Variants in FOXN3 observed in about 807,000 individuals in gnomAD.
The protein encoded by FOXN3 is forkhead box N3, also known as forkhead box protein N3.
FOXN3 carries 7 observed loss-of-function variants against 38.4 expected under a neutral mutation model. That is an observed-to-expected ratio of 0.18 (90% CI 0.10 to 0.34). The LOEUF (loss-of-function observed/expected upper bound fraction) is 0.34. FOXN3 is among the 10% of genes least tolerant of loss of function. FOXN3 has a pLI of 1.00. For missense variants in FOXN3, 456 were observed against 613.4 expected (o/e 0.74, Z 2.71); for synonymous variants, 230 against 242.2 (o/e 0.95, Z 0.47).
chr14:89,427,570 G>C (rs971468046), intron 1 of FOXN3, among the ~76,000 whole-genome samples: 1 of 149,652 alleles, frequency 6.7e-6, no homozygotes, highest in East Asian at 2.0e-4. Context: ...CACCTGCCTC[G>C]GCCTTCCAAA....
chr14:89,592,696 A>C (rs569144851), intron 1 of FOXN3, among the ~76,000 whole-genome samples: 41 of 152,354 alleles, frequency 2.7e-4, no homozygotes, highest in Non-Finnish European at 5.0e-4. Flanking sequence ...AAGTTCTTGG[A>C]AAATTCACCT....
chr14:89,258,766 C>T (rs142756486), intron 4 of FOXN3, among the ~76,000 whole-genome samples: 104 of 152,340 alleles, frequency 6.8e-4, no homozygotes, highest in African/African-American at 2.2e-3. Context: ...TTCTAAACCA[C>T]ATTTGTGAAA....
At chr14:89,392,797 C>T (rs978665098) in intron 2 of FOXN3, among the ~76,000 whole-genome samples, 1 of 143,158 alleles carries the variant, frequency 7.0e-6, no homozygotes, top group South Asian at 2.2e-4. Context: ...CAGACCACCA[C>T]GCCCAGCTAA....
At chr14:89,539,471 G>GA (rs1243867913) in intron 1 of FOXN3, among the ~76,000 whole-genome samples, 1 of 152,122 alleles carries the variant, frequency 6.6e-6, no homozygotes, top group Admixed American at 6.5e-5. Context: ...CAGTTTAAAA[G>GA]AAAAACAAAA....
At chr14:89,475,276 A>G (rs1893188310) in intron 1 of FOXN3, among the ~76,000 whole-genome samples, 1 of 152,224 alleles carries the variant, frequency 6.6e-6, no homozygotes, top group Admixed American at 6.5e-5. Context: ...ACCAAGTATA[A>G]TGTTGCAGTT....
intron 4 of FOXN3, among the ~76,000 whole-genome samples, chr14:89,213,638 C>CT (rs1379255670): frequency 1.3e-5 from 2 of 152,168 alleles, no homozygotes; most frequent in Non-Finnish European, 2.9e-5. Context: ...ATAAGTAAAA[C>CT]TTAAGTATTT....
chr14:89,575,410 A>G (rs1024995866), intron 1 of FOXN3, among the ~76,000 whole-genome samples: 3 of 151,446 alleles, frequency 2.0e-5, no homozygotes, highest in African/African-American at 7.3e-5. Flanking sequence ...GATAGGGAGA[A>G]GGGATAAACA....
intron 1 of FOXN3, among the ~76,000 whole-genome samples, chr14:89,416,088 C>T (rs909354989): frequency 2.6e-5 from 4 of 152,160 alleles, no homozygotes; most frequent in Non-Finnish European, 4.4e-5. Flanking sequence ...CGAGCAGTAG[C>T]GAGTTTGGGG....
At chr14:89,293,770 A>C (rs921550059) in intron 3 of FOXN3, among the ~76,000 whole-genome samples, 1 of 152,038 alleles carries the variant, frequency 6.6e-6, no homozygotes, top group African/African-American at 2.4e-5. Flanking sequence ...AGGGGGAGAG[A>C]AGCACAATTC....
At chr14:89,518,491 T>C (rs1894251798) in intron 1 of FOXN3, among the ~76,000 whole-genome samples, 1 of 152,192 alleles carries the variant, frequency 6.6e-6, no homozygotes, top group Non-Finnish European at 1.5e-5. Flanking sequence ...ATTTAGAGAA[T>C]GGGAAACAAG....
rs200918416 is a variant in FOXN3, at chr14:89,162,651, G to A, written c.1170C>T (p.Ser390=). Residue 390 remains serine (S), a synonymous_variant, in exon 6 of 6, where the codon AGC becomes AGT. Transcript: ENST00000557258. The surrounding 1 kb of genome is among the most constrained non-coding windows in gnomAD (Gnocchi z 7.2). ...GCTTCTTGTGCTGGGATGCGTACCC[G>A]CTGTCCCCCAGAGAATCCTTGGGCT... ...QKEPKDSLGD[S]GYASQHKKRQ... is the part of the protein sequence containing the mutation. The A allele has an allele frequency of 2.5e-5, 41 of 1,613,894 alleles. No homozygotes were observed. In the East Asian group the frequency reaches 2.7e-4, roughly 11 times the overall value.
chr14:89,291,473 C>T (rs1168822056), intron 3 of FOXN3: 16 of 604,508 alleles, frequency 2.6e-5, no homozygotes, highest in Admixed American at 1.9e-4. Flanking sequence ...GGGTGCCACA[C>T]CTCCACAGAC....
intron 3 of FOXN3, among the ~76,000 whole-genome samples, chr14:89,286,072 T>C (rs1164413812): frequency 6.6e-6 from 1 of 151,858 alleles, no homozygotes; most frequent in Non-Finnish European, 1.5e-5. Context: ...GGTCTCACTA[T>C]GTTGCTCAGG....
Position 89,412,515 on chromosome 14 carries a change from G to A in FOXN3, c.-14-25C>T, listed in dbSNP as rs773026206. ...CCTAGTAAAGACATCACAAAGAAAT[G>A]ATGAGCTGGCGAGGCCCAAAACAGA... On this transcript the variant is annotated intron_variant, in intron 1 of 5. Coordinates refer to ENST00000557258, the MANE Select transcript of FOXN3 (RefSeq NM_005197.4). The surrounding 1 kb of genome is among the most constrained non-coding windows in gnomAD (Gnocchi z 4.7). 5 of 1,552,190 alleles carry A rather than the reference G, an allele frequency of 3.2e-6. No homozygotes were observed. In the East Asian group the frequency reaches 1.1e-4, roughly 35 times the overall value.
intron 4 of FOXN3, among the ~76,000 whole-genome samples, chr14:89,210,463 A>G (rs1039781713): frequency 6.6e-6 from 1 of 152,200 alleles, no homozygotes; most frequent in Non-Finnish European, 1.5e-5. Flanking sequence ...ACCCAGTCTC[A>G]GGTATTTCTT....
At chr14:89,483,972 T>G (rs1021655895) in intron 1 of FOXN3, among the ~76,000 whole-genome samples, 2 of 152,222 alleles carry the variant, frequency 1.3e-5, no homozygotes, top group Non-Finnish European at 2.9e-5. Context: ...AGTTCCAAAA[T>G]GCAAGGTTTG....
chr14:89,193,407 A>C (rs1888015338), intron 4 of FOXN3, among the ~76,000 whole-genome samples: 1 of 152,202 alleles, frequency 6.6e-6, no homozygotes. Flanking sequence ...AAAGAGAGAA[A>C]GAAAACCTTA....
intron 1 of FOXN3, among the ~76,000 whole-genome samples, chr14:89,452,737 A>C (rs1191041598): frequency 6.6e-6 from 1 of 152,170 alleles, no homozygotes; most frequent in African/African-American, 2.4e-5. Context: ...TCAGCCTCAA[A>C]AGGAAATGAA....
intron 3 of FOXN3, among the ~76,000 whole-genome samples, chr14:89,325,651 T>C (rs186149328): frequency 2.6e-5 from 4 of 152,330 alleles, no homozygotes; most frequent in East Asian, 3.9e-4. Context: ...TCTCATTGAA[T>C]AGACACTACC....
Sources: allele counts gnomAD v4.1 joint callset (sites outside exome capture counted in the v4.1 genomes callset), GRCh38; gene constraint gnomAD v4.1.1; non-coding constraint Gnocchi (gnomAD v3.1); transcripts MANE v1.5; gene names NCBI Gene and HGNC (gene_info 2026-07-23, HGNC 2026-07-21).